PTP4A1: variants seen among roughly 807,000 people sequenced by gnomAD.
The protein encoded by PTP4A1 is protein tyrosine phosphatase type IVA 1.
Under a neutral mutation model 20.5 loss-of-function variants are expected in PTP4A1, and 9 were observed. That is an observed-to-expected ratio of 0.44 (90% CI 0.26 to 0.77). The LOEUF is 0.77. Ranked by LOEUF, PTP4A1 falls within the 30% of genes least tolerant of loss-of-function variation. The pLI, the probability that PTP4A1 is intolerant of heterozygous loss-of-function variation, is 0.19. For missense variants in PTP4A1, 137 were observed against 218.8 expected (o/e 0.63, Z 2.36); for synonymous variants, 78 against 67.4 (o/e 1.16, Z -0.77).
Position 63,526,830 on chromosome 6 carries a change from TATA to T in PTP4A1, c.-905-988_-905-986del, listed in dbSNP as rs1562111495. Among the ~76,000 whole-genome samples the T allele has an allele frequency of 6.7e-4, 94 of 140,176 alleles. 1 individual carries two copies. Among genetic ancestry groups the T allele is most frequent in the African/African-American group, 2.3e-3 (80 of 35,476 alleles). 92.0% of individuals were successfully genotyped at this position (140,176 alleles called of 152,430 possible). A position where few individuals can be genotyped will look rare whatever the true frequency, so the allele number is the denominator to read the frequency against. ...ATATATATATATATATATATATATA[TATA>T]TATTTATTTATTTATTCTTCTTAAG... On this transcript the variant is annotated intron_variant, in intron 1 of 3. Coordinates refer to the PTP4A1 transcript ENST00000639568.
intron 2 of PTP4A1, among the ~76,000 whole-genome samples, chr6:63,548,274 G>A (rs1776290066): frequency 6.6e-6 from 1 of 152,160 alleles, no homozygotes; most frequent in African/African-American, 2.4e-5. Flanking sequence ...TTTGTTGTGT[G>A]ACATAACTTT....
intron 3 of PTP4A1, among the ~76,000 whole-genome samples, chr6:63,559,954 A>G (rs985795669): frequency 4.6e-5 from 7 of 152,254 alleles, no homozygotes; most frequent in African/African-American, 1.7e-4. Context: ...GACAACAGCA[A>G]CCCAGGATGG....
chr6:63,561,485 T>C (rs1248097001), intron 3 of PTP4A1, among the ~76,000 whole-genome samples: 1 of 152,230 alleles, frequency 6.6e-6, no homozygotes, highest in African/African-American at 2.4e-5. Context: ...TTCATATCTT[T>C]AGACCTTTCT....
chr6:63,555,623 G>A (rs1776646996), intron 3 of PTP4A1, among the ~76,000 whole-genome samples: 2 of 151,678 alleles, frequency 1.3e-5, no homozygotes, highest in African/African-American at 4.9e-5. Context: ...TATTACCAAA[G>A]GCATACATCC....
upstream of PTP4A1, among the ~76,000 whole-genome samples, chr6:63,519,292 G>A (rs796777804): frequency 2.9e-4 from 44 of 151,972 alleles, no homozygotes; most frequent in African/African-American, 1.0e-3. Flanking sequence ...GGGTGACAAA[G>A]GCGAAACTCT....
chr6:63,522,469 G>T (rs1487189018), intron 1 of PTP4A1, among the ~76,000 whole-genome samples: 3 of 152,190 alleles, frequency 2.0e-5, no homozygotes, highest in Admixed American at 2.0e-4. Context: ...AAATGCCAGA[G>T]CTCTTTATCA....
At chr6:63,529,819 C>T (rs768042550) in intron 2 of PTP4A1, among the ~76,000 whole-genome samples, 14 of 151,942 alleles carry the variant, frequency 9.2e-5, no homozygotes, top group Non-Finnish European at 1.8e-4. Context: ...AAAATACGTG[C>T]GTAAGAGGAA....
chr6:63,552,789 G>C (rs923224195), intron 3 of PTP4A1, among the ~76,000 whole-genome samples: 4 of 152,214 alleles, frequency 2.6e-5, no homozygotes, highest in East Asian at 1.9e-4. Flanking sequence ...TATTAAATAG[G>C]GAAACCTTTC....
chr6:63,549,112 G>T (rs1025339375), intron 2 of PTP4A1: 5 of 700,550 alleles, frequency 7.1e-6, no homozygotes, highest in Non-Finnish European at 1.3e-5. Context: ...AGGACAGGTG[G>T]TCTCTTAGTG....
rs1778202098 is a variant in PTP4A1, at chr6:63,581,166, T to C, written c.*992T>C. On this transcript the variant is annotated 3_prime_UTR_variant, in exon 6 of 6. Coordinates refer to ENST00000626021, the MANE Select transcript of PTP4A1 (RefSeq NM_003463.5). The stretch of plus-strand genomic sequence containing the variant: ...GATTTTTTTTTTCCTTCCCAACCTC[T>C]CTTGCAAAAAAAGAAATGGGTTTCT... 6.6e-6 allele frequency: 1 copy of C among 152,282 alleles called. No homozygotes were observed. Among genetic ancestry groups the C allele is most frequent in the Non-Finnish European group, 1.5e-5 (1 of 67,918 alleles). 9.4% of individuals were successfully genotyped at this position (152,282 alleles called of 1,614,324 possible).
intron 2 of PTP4A1, among the ~76,000 whole-genome samples, chr6:63,547,795 G>C (rs1460134395): frequency 6.6e-6 from 1 of 151,964 alleles, no homozygotes; most frequent in Non-Finnish European, 1.5e-5. Context: ...ACAGGCGTGA[G>C]CCACTGCGCC....
At chr6:63,533,394 A>G (rs1775561826) in intron 2 of PTP4A1, among the ~76,000 whole-genome samples, 1 of 152,202 alleles carries the variant, frequency 6.6e-6, no homozygotes, top group African/African-American at 2.4e-5. Flanking sequence ...AAAAGAAAAC[A>G]ATAAGATGAA....
intron 2 of PTP4A1, among the ~76,000 whole-genome samples, chr6:63,546,518 C>T (rs1028643528): frequency 2.0e-5 from 3 of 152,076 alleles, no homozygotes; most frequent in African/African-American, 7.2e-5. Context: ...CCAGCCTGAC[C>T]AATATGGTGA....
intron 2 of PTP4A1, among the ~76,000 whole-genome samples, chr6:63,532,907 T>C (rs953292559): frequency 6.6e-6 from 1 of 152,222 alleles, no homozygotes; most frequent in Non-Finnish European, 1.5e-5. Context: ...AATCCATTAA[T>C]AATTAATGTA....
At chr6:63,522,619 A>G (rs1358945885) in intron 1 of PTP4A1, among the ~76,000 whole-genome samples, 1 of 152,196 alleles carries the variant, frequency 6.6e-6, no homozygotes, top group East Asian at 1.9e-4. Context: ...AAAGAACACA[A>G]TAGTGTAGCA....
chr6:63,552,933 A>G (rs1268027016), intron 3 of PTP4A1, among the ~76,000 whole-genome samples: 1 of 152,128 alleles, frequency 6.6e-6, no homozygotes. Flanking sequence ...GCCTTGTAGT[A>G]TAGTTTGAAG....
chr6:63,566,736 T>C (rs1371836723), intron 3 of PTP4A1, among the ~76,000 whole-genome samples: 3 of 152,082 alleles, frequency 2.0e-5, no homozygotes, highest in African/African-American at 7.2e-5. Flanking sequence ...AATAAGACAA[T>C]GGAGTTTGCT....
At chr6:63,534,809 A>ATAAAGAATTTCTTTAGTAAAGAATTTCG (rs1775643917) in intron 2 of PTP4A1, among the ~76,000 whole-genome samples, 2 of 152,072 alleles carry the variant, frequency 1.3e-5, no homozygotes, top group Non-Finnish European at 2.9e-5. Context: ...AAAGAATTTC[A>ATAAAGAATTTCTTTAGTAAAGAATTTCG]TAAAGAATTT....
intron 3 of PTP4A1, among the ~76,000 whole-genome samples, chr6:63,563,869 A>G (rs1201056654): frequency 6.6e-6 from 1 of 152,248 alleles, no homozygotes; most frequent in Non-Finnish European, 1.5e-5. Flanking sequence ...AAAACTGGGA[A>G]TAGGATGCCC....
Sources: allele counts gnomAD v4.1 joint callset (sites outside exome capture counted in the v4.1 genomes callset), GRCh38; gene constraint gnomAD v4.1.1; transcripts MANE v1.5; gene names NCBI Gene and HGNC (gene_info 2026-07-23, HGNC 2026-07-21).